The following GLB1L3 variants were observed in gnomAD, a reference collection of about 807,000 sequenced individuals.
The protein encoded by GLB1L3 is beta-galactosidase-1-like protein 3.
In GLB1L3, 89 loss-of-function variants were observed where a neutral mutation model predicts 89.5. That is an observed-to-expected ratio of 0.99 (90% CI 0.84 to 1.19). The LOEUF (loss-of-function observed/expected upper bound fraction) is 1.19. GLB1L3 is among the 50% of genes most tolerant of loss of function. GLB1L3 has a pLI of 0.00. For synonymous variants in GLB1L3, 314 were observed against 312.3 expected (o/e 1.01, Z -0.06); for missense variants, 812 against 813.3 (o/e 1.00, Z 0.02).
At chr11:134,313,297 C>T in intron 15 of GLB1L3, 99 bp from the exon 16 acceptor site, 1 of 846,168 alleles carries the variant, frequency 1.2e-6, no homozygotes, top group Non-Finnish European at 1.9e-6. Flanking sequence ...CTCCTGTTCT[C>T]CCATGTGTCT....
chr11:134,322,737 A>G (rs1212609067), downstream of GLB1L3, among the ~76,000 whole-genome samples: 1 of 152,214 alleles, frequency 6.6e-6, no homozygotes, highest in Non-Finnish European at 1.5e-5. Context: ...ATGCTGTAGC[A>G]TGTATATTCT....
chr11:134,312,520 C>G, intron 14 of GLB1L3, 31 bp downstream of exon 14: 1 of 1,604,744 alleles, frequency 6.2e-7, no homozygotes, highest in Non-Finnish European at 8.5e-7. Context: ...GTGTGGGAAG[C>G]AAAGTGCATC....
Position 134,289,897 on chromosome 11 carries a change from G to A in GLB1L3, c.729+1007G>A, listed in dbSNP as rs545430460. ...ACTGAACCCCACCATGGGCTGCCAA[G>A]CAGAGTGCAGGGCTGCAGGGTTGGC... On this transcript the variant is annotated intron_variant, in intron 7 of 19. Coordinates refer to ENST00000431683, the MANE Select transcript of GLB1L3 (RefSeq NM_001080407.3). Among the ~76,000 whole-genome samples the A allele has an allele frequency of 1.3e-4, 20 of 149,658 alleles. No individual in the cohort carries two copies. The East Asian group carries it at 3.7e-3, about 28-fold the overall frequency.
chr11:134,297,456 T>C (rs866251903), intron 9 of GLB1L3, among the ~76,000 whole-genome samples: 1 of 152,226 alleles, frequency 6.6e-6, no homozygotes, highest in South Asian at 2.1e-4. Flanking sequence ...TCTTTCTTGT[T>C]CTTTTTTTCT....
At position 134,311,155 on chromosome 11, in the gene GLB1L3, A is replaced by G. The variant is rs1319231570; in HGVS notation, c.1272A>G (p.Leu424=). Residue 424 remains leucine, a synonymous_variant, in exon 13 of 20, where the codon CTA becomes CTG. Transcript: ENST00000431683. ...PSLYLPLWDA[L]SYLNEPVRSR... is the part of the protein sequence containing the mutation. ...TGTACCTCCCGCTGTGGGACGCCCT[A>G]TCCTACTTAAATGAGGTGCGTGCTG... 2 of 1,613,218 alleles carry G rather than the reference A, an allele frequency of 1.2e-6. No individual in the cohort carries two copies. Among genetic ancestry groups the G allele is most frequent in the Non-Finnish European group, 8.5e-7 (1 of 1,179,382 alleles).
chr11:134,306,662 G>A (rs533675970), intron 9 of GLB1L3, among the ~76,000 whole-genome samples: 5 of 152,336 alleles, frequency 3.3e-5, no homozygotes, highest in Non-Finnish European at 7.3e-5. Flanking sequence ...CAACAGCCAG[G>A]CCTACTGTAG....
chr11:134,287,840 CAAAGGAAA>C, intron 6 of GLB1L3, among the ~76,000 whole-genome samples: 5 of 152,178 alleles, frequency 3.3e-5, no homozygotes, highest in Admixed American at 6.5e-5. Context: ...GGGGAACCTG[CAAAGGAAA>C]AGCTGACAGT....
At chr11:134,306,952 A>T (rs1942232401) in intron 9 of GLB1L3, among the ~76,000 whole-genome samples, 172 bp from the exon 10 acceptor site, 1 of 152,262 alleles carries the variant, frequency 6.6e-6, no homozygotes, top group African/African-American at 2.4e-5. Flanking sequence ...AGAGCTGTGA[A>T]TGACGGCCAA....
In GLB1L3 at chr11:134,281,514, T is replaced by C. The variant is rs1940685377; in HGVS notation, c.431+69T>C. On this transcript the variant is annotated intron_variant, in intron 4 of 19. Transcript: ENST00000431683. Reference sequence around the variant, plus strand: ...ACAGAGGTGGCTACTGGGGGTGGATTAGCAACCAAAGAGAACCAGGGAGGG... The same window carrying C: ...ACAGAGGTGGCTACTGGGGGTGGATCAGCAACCAAAGAGAACCAGGGAGGG... 9 of 1,475,280 alleles carry C rather than the reference T, an allele frequency of 6.1e-6. No individual in the cohort carries two copies. The South Asian group carries it at 1.0e-4, about 17-fold the overall frequency. The allele number at this position is 1,475,280 out of a possible 1,614,324, so 91.4% of individuals were successfully genotyped here. A position where few individuals can be genotyped will look rare whatever the true frequency, so the allele number is the denominator to read the frequency against.
At chr11:134,294,319 T>C (rs1941520541) in intron 9 of GLB1L3, among the ~76,000 whole-genome samples, 1 of 152,140 alleles carries the variant, frequency 6.6e-6, no homozygotes, top group South Asian at 2.1e-4. Flanking sequence ...CCACCCACCT[T>C]GGCCTCCCAA....
chr11:134,292,187 A>G lies in GLB1L3; in HGVS notation c.785A>G (p.His262Arg), dbSNP rs372495089. 3.7e-6 allele frequency: 6 copies of G among 1,613,294 alleles called. No individual in the cohort carries two copies. The highest frequency in any genetic ancestry group is 2.2e-5 in the East Asian group (1 of 44,878). Residue 262 changes from histidine to arginine, a missense_variant, in exon 8 of 20, where the codon CAT becomes CGT. Around this residue, in one of 3 missense-constraint regions of GLB1L3, gnomAD observed 618 missense variants for 604.0 expected, o/e 1.02. Coordinates refer to ENST00000431683, the MANE Select transcript of GLB1L3 (RefSeq NM_001080407.3). ...ELLLTSDGEK[H>R]VLSGHTKGVL... The stretch of plus-strand genomic sequence containing the variant: ...CTCTTGACCTCTGATGGTGAGAAAC[A>G]TGTGCTGAGTGGCCACACCAAAGGA...
intron 3 of GLB1L3, among the ~76,000 whole-genome samples, chr11:134,278,798 T>C (rs1940525452): frequency 6.6e-6 from 1 of 152,210 alleles, no homozygotes; most frequent in Non-Finnish European, 1.5e-5. Flanking sequence ...ATGCAAAGAA[T>C]TTAATCAGAA....
rs180681524 is a variant in GLB1L3, at chr11:134,295,110, A to G, written c.876+1901A>G. Among the ~76,000 whole-genome samples the G allele has an allele frequency of 5.3e-3, 815 of 152,348 alleles. 5 individuals carry two copies. Among genetic ancestry groups the G allele is most frequent in the Non-Finnish European group, 8.7e-3 (594 of 68,034 alleles). On this transcript the variant is annotated intron_variant, in intron 9 of 19. Transcript: ENST00000431683. The stretch of plus-strand genomic sequence containing the variant: ...TTAAACGGTATTTGGTTTTAAAATT[A>G]GGATAACGCTGGCCTCATAAAATGA...
chr11:134,308,629 CACCATCAA>C (rs1942544454), intron 10 of GLB1L3, among the ~76,000 whole-genome samples: 1 of 140,872 alleles, frequency 7.1e-6, no homozygotes, highest in Admixed American at 7.1e-5. Context: ...TCACCACCAT[CACCATCAA>C]CACCATCACC....
chr11:134,301,911 G>A (rs141274029), intron 9 of GLB1L3, among the ~76,000 whole-genome samples: 532 of 151,826 alleles, frequency 3.5e-3, no homozygotes, highest in Admixed American at 7.1e-3. Flanking sequence ...CCTTTATTTC[G>A]CTGGTCAGAA....
chr11:134,289,082 A>C (rs988850367), intron 7 of GLB1L3, 192 bp downstream of exon 7: 15 of 508,360 alleles, frequency 3.0e-5, no homozygotes, highest in Non-Finnish European at 5.2e-5. Context: ...GACTCCCTCA[A>C]AATTTAGTCA....
chr11:134,317,129 T>C (rs1462152949), intron 18 of GLB1L3: 1 of 152,214 alleles, frequency 6.6e-6, no homozygotes, highest in Non-Finnish European at 1.5e-5. Flanking sequence ...TGGTACTGTT[T>C]AAGTTCCTTT....
intron 9 of GLB1L3, among the ~76,000 whole-genome samples, chr11:134,305,875 G>C (rs1015379908): frequency 1.3e-5 from 2 of 152,012 alleles, no homozygotes; most frequent in African/African-American, 4.8e-5. Flanking sequence ...ATTAAATATA[G>C]AAGTTGGAAG....
rs201647056 is a variant in GLB1L3, at chr11:134,290,371, G to A, written c.729+1481G>A. Among the ~76,000 whole-genome samples the A allele has an allele frequency of 1.5e-4, 23 of 152,186 alleles. No homozygotes were observed. In the East Asian group the frequency reaches 3.7e-3, roughly 24 times the overall value. On this transcript the variant is annotated intron_variant, in intron 7 of 19. Transcript: ENST00000431683. ...GTGGATCACCTGAGGTCAGGAGTTC[G>A]AGACCAGCCTGGCCAACGTGTCAAA...
Sources: gnomAD v4.1 joint callset for allele counts (sites outside exome capture counted in the v4.1 genomes callset) on GRCh38, gnomAD v4.1.1 for gene constraint, gnomAD v4.1.1 regional missense constraint, MANE v1.5 for transcripts, NCBI Gene and HGNC (gene_info 2026-07-23, HGNC 2026-07-21) for gene names.